Variants in PDE1C observed in about 807,000 individuals in gnomAD.
The protein encoded by PDE1C is phosphodiesterase 1C.
A neutral mutation model predicts 93.1 loss-of-function variants in PDE1C; 62 were observed. The observed-to-expected ratio is 0.67, with a 90% CI of 0.54 to 0.82. The LOEUF is 0.82. Ranked by LOEUF, PDE1C falls within the 40% of genes least tolerant of loss-of-function variation. The pLI, the probability that PDE1C is intolerant of heterozygous loss-of-function variation, is 0.00. For missense variants in PDE1C, 742 were observed against 884.6 expected (o/e 0.84, Z 2.04); for synonymous variants, 325 against 310.1 (o/e 1.05, Z -0.50).
chr7:32,176,028 T>C (rs555293520), intron 2 of PDE1C, among the ~76,000 whole-genome samples: 1 of 152,366 alleles, frequency 6.6e-6, no homozygotes, highest in South Asian at 2.1e-4. Flanking sequence ...TGTTACATCT[T>C]ACTGGTTTAT....
chr7:31,817,509 C>CA (rs1277065299), intron 14 of PDE1C, among the ~76,000 whole-genome samples: 1 of 152,136 alleles, frequency 6.6e-6, no homozygotes, highest in Admixed American at 6.5e-5. Flanking sequence ...ACAGAAGACA[C>CA]ATAACAGAGC....
At position 32,404,463 on chromosome 7, in the gene PDE1C, C is replaced by CCTGCAT. The variant is rs1204071110; in HGVS notation, c.310+23358_310+23359insATGCAG. ...CAGCCTCCTAGGCTCAAGAGACCCT[C>CCTGCAT]CTGCCTCTGCCTCCTGGGTAGCTGG... On this transcript the variant is annotated intron_variant, in intron 1 of 1. Coordinates refer to the PDE1C transcript ENST00000672256. Among the ~76,000 whole-genome samples the CCTGCAT allele has an allele frequency of 2.0e-5, 3 of 148,268 alleles. No individual in the cohort carries two copies. The South Asian group carries it at 6.6e-4, about 33-fold the overall frequency.
At chr7:31,664,460 T>C in the PDE1C span, among the ~76,000 whole-genome samples, 1 of 152,182 alleles carries the variant, frequency 6.6e-6, no homozygotes, top group African/African-American at 2.4e-5. Context: ...TAATTAATCA[T>C]TTGTCTGTCA....
intron 2 of PDE1C, among the ~76,000 whole-genome samples, chr7:32,023,577 C>T (rs565631853): frequency 2.0e-5 from 3 of 151,612 alleles, no homozygotes; most frequent in Non-Finnish European, 4.4e-5. Context: ...ACATCCGTAC[C>T]GTGGATGACT....
intron 2 of PDE1C, among the ~76,000 whole-genome samples, chr7:31,897,808 GC>G (rs979331616): frequency 1.3e-5 from 2 of 152,012 alleles, no homozygotes; most frequent in African/African-American, 4.8e-5. Flanking sequence ...ATATTCACAT[GC>G]TTTTGGTTAG....
chr7:32,330,137 C>A (rs1344553703), intron 1 of PDE1C, among the ~76,000 whole-genome samples: 1 of 152,248 alleles, frequency 6.6e-6, no homozygotes, highest in Non-Finnish European at 1.5e-5. Context: ...ATGGCACCCC[C>A]AGTCTGTCCT....
intron 1 of PDE1C, among the ~76,000 whole-genome samples, chr7:32,382,136 G>C (rs1468080834): frequency 1.3e-5 from 2 of 152,134 alleles, no homozygotes; most frequent in African/African-American, 4.8e-5. Context: ...AACCCAGGCA[G>C]CATGGCCCAG....
intron 2 of PDE1C, among the ~76,000 whole-genome samples, chr7:32,197,346 C>T (rs929074717): frequency 2.0e-5 from 3 of 152,010 alleles, no homozygotes; most frequent in African/African-American, 7.2e-5. Flanking sequence ...ACATTGTGAA[C>T]AGAAATATAA....
At chr7:32,300,690 T>C (rs191551343), upstream of PDE1C, among the ~76,000 whole-genome samples, 1 of 152,214 alleles carries the variant, frequency 6.6e-6, no homozygotes, top group South Asian at 2.1e-4. Context: ...CAGATCTTAC[T>C]ATGTAGACTG....
intron 1 of PDE1C, among the ~76,000 whole-genome samples, chr7:32,287,488 GCA>G (rs1812068978): frequency 1.3e-5 from 2 of 152,222 alleles, no homozygotes; most frequent in South Asian, 4.1e-4. Flanking sequence ...AGAGGACTAA[GCA>G]CAGTTATACC....
At chr7:31,666,364 C>A in the PDE1C span, among the ~76,000 whole-genome samples, 2 of 152,030 alleles carry the variant, frequency 1.3e-5, no homozygotes, top group African/African-American at 2.4e-5. Context: ...TTTCTCATAC[C>A]GTCCTTTAAA....
At chr7:31,823,743 A>G (rs1443827647) in intron 13 of PDE1C, among the ~76,000 whole-genome samples, 1 of 152,050 alleles carries the variant, frequency 6.6e-6, no homozygotes. Flanking sequence ...TAATTTCCTT[A>G]AGTTGCTGGA....
chr7:31,690,928 A>G, the PDE1C span, among the ~76,000 whole-genome samples: 1 of 152,264 alleles, frequency 6.6e-6, no homozygotes, highest in Middle Eastern at 3.4e-3. Context: ...GACTGGGCCC[A>G]TGACTCTGCC....
At chr7:31,738,071 C>T in the PDE1C span, among the ~76,000 whole-genome samples, 10,813 of 152,194 alleles carry the variant, frequency 0.071, 420 homozygotes, top group Non-Finnish European at 0.092. Context: ...TCCTGTGCCC[C>T]AGTGCTGGCA....
chr7:32,305,305 G>T (rs1363875942), intron 1 of PDE1C, among the ~76,000 whole-genome samples: 1 of 152,174 alleles, frequency 6.6e-6, no homozygotes, highest in Non-Finnish European at 1.5e-5. Flanking sequence ...TGGGCATCCA[G>T]GGCACAGCTT....
chr7:32,192,447 A>G (rs1804298084), intron 2 of PDE1C, among the ~76,000 whole-genome samples: 1 of 152,146 alleles, frequency 6.6e-6, no homozygotes, highest in African/African-American at 2.4e-5. Context: ...TGAAAAGGTC[A>G]TATTTCCTCC....
intron 1 of PDE1C, among the ~76,000 whole-genome samples, chr7:32,243,984 G>A (rs1034932235): frequency 1.3e-5 from 2 of 152,176 alleles, no homozygotes; most frequent in African/African-American, 4.8e-5. Context: ...TTTTACAAAA[G>A]CTACTATGAG....
the PDE1C span, among the ~76,000 whole-genome samples, chr7:31,623,747 C>T: frequency 1.3e-5 from 2 of 149,526 alleles, no homozygotes; most frequent in Non-Finnish European, 3.0e-5. Context: ...GCCTATTCAA[C>T]ATAGTGTTGG....
intron 15 of PDE1C, among the ~76,000 whole-genome samples, chr7:31,813,099 A>T (rs1787752312): frequency 6.6e-6 from 1 of 152,138 alleles, no homozygotes; most frequent in African/African-American, 2.4e-5. Context: ...AAATGGTGGT[A>T]TTATTGTTAT....
Sources: allele counts gnomAD v4.1 joint callset (sites outside exome capture counted in the v4.1 genomes callset), GRCh38; gene constraint gnomAD v4.1.1; transcripts MANE v1.5; gene names NCBI Gene and HGNC (gene_info 2026-07-23, HGNC 2026-07-21).